CDH12: variants seen among roughly 807,000 people sequenced by gnomAD.
The protein encoded by CDH12 is cadherin 12, also known as cadherin-12.
Under a neutral mutation model 74.1 loss-of-function variants are expected in CDH12, and 41 were observed. The ratio of observed to expected loss-of-function variants is 0.55; its 90% CI spans 0.43 to 0.72. CDH12 has a LOEUF of 0.72. Ranked by LOEUF, CDH12 falls within the 30% of genes least tolerant of loss-of-function variation. The pLI is 0.00. For missense variants in CDH12, 945 were observed against 977.2 expected (o/e 0.97, Z 0.44); for synonymous variants, 399 against 355.0 (o/e 1.12, Z -1.39).
At chr5:22,716,611 TA>T (rs34809327) in intron 1 of CDH12, among the ~76,000 whole-genome samples, 118,282 of 144,202 alleles carry the variant, frequency 0.82, 48,390 homozygotes, top group Non-Finnish European at 0.85. Context: ...CCTGAAAACT[TA>T]AAAAAAAAAA....
At chr5:22,360,906 A>C (rs1236803030) in intron 3 of CDH12, among the ~76,000 whole-genome samples, 1 of 152,226 alleles carries the variant, frequency 6.6e-6, no homozygotes, top group East Asian at 1.9e-4. Context: ...ACTCTCAGTA[A>C]ATTAGGCATT....
At chr5:22,083,329 T>A (rs1410571697) in intron 4 of CDH12, among the ~76,000 whole-genome samples, 3 of 152,198 alleles carry the variant, frequency 2.0e-5, no homozygotes, top group Non-Finnish European at 4.4e-5. Context: ...TTAACTCATG[T>A]TAATAACAGT....
At chr5:22,638,483 G>A (rs268990) in intron 1 of CDH12, among the ~76,000 whole-genome samples, 51,655 of 151,858 alleles carry the variant, frequency 0.34, 9,217 homozygotes, top group African/African-American at 0.44. Flanking sequence ...AAGTTCCCCC[G>A]CCTGCTTTCA....
intron 6 of CDH12, among the ~76,000 whole-genome samples, chr5:21,954,163 T>C (rs2150103828): frequency 6.6e-6 from 1 of 152,284 alleles, no homozygotes; most frequent in Non-Finnish European, 1.5e-5. Context: ...ACTATTTTCA[T>C]TGCTATAATT....
chr5:22,273,306 C>T (rs4701577), intron 3 of CDH12, among the ~76,000 whole-genome samples: 64,406 of 151,978 alleles, frequency 0.42, 14,603 homozygotes, highest in Admixed American at 0.53. Context: ...CAGAGATATA[C>T]AATGAGCCCA....
chr5:22,400,766 T>C (rs1014798393), intron 3 of CDH12, among the ~76,000 whole-genome samples: 3 of 152,024 alleles, frequency 2.0e-5, no homozygotes, highest in Non-Finnish European at 4.4e-5. Context: ...GGGAAGCGAG[T>C]GGAGGTGCAT....
chr5:21,855,907 G>A (rs554479353), intron 6 of CDH12, among the ~76,000 whole-genome samples: 1 of 151,610 alleles, frequency 6.6e-6, no homozygotes, highest in East Asian at 2.0e-4. Context: ...AAAATGTTAG[G>A]GTTGTGACAA....
At chr5:21,985,702 GGTA>G (rs1371913049) in intron 5 of CDH12, among the ~76,000 whole-genome samples, 1 of 152,024 alleles carries the variant, frequency 6.6e-6, no homozygotes, top group Non-Finnish European at 1.5e-5. Context: ...GATTCTTCCT[GGTA>G]AACTTATAAA....
intron 1 of CDH12, among the ~76,000 whole-genome samples, chr5:22,635,871 G>A (rs1580838127): frequency 6.6e-6 from 1 of 151,814 alleles, no homozygotes; most frequent in Non-Finnish European, 1.5e-5. Flanking sequence ...AGGAGATTGT[G>A]CCCACTGCTC....
In CDH12 at chr5:21,802,338, G is replaced by A. The variant is rs766869658; in HGVS notation, c.1085C>T (p.Ala362Val). The A allele has an allele frequency of 3.7e-6, 6 of 1,613,810 alleles. No individual in the cohort carries two copies. Among genetic ancestry groups the A allele is most frequent in the African/African-American group, 1.3e-5 (1 of 74,954 alleles). Residue 362 changes from alanine (A) to valine (V), a missense_variant, in exon 10 of 15, where the codon GCG becomes GTG. Around this residue, in one of 3 missense-constraint regions of CDH12, gnomAD observed 791 missense variants for 792.8 expected, o/e 1.00. Coordinates refer to ENST00000382254, the MANE Select transcript of CDH12 (RefSeq NM_004061.5). The stretch of plus-strand genomic sequence containing the variant: ...CGTAGCTGTGTCTTTGAAAGGGCCC[G>A]CCGAGTGAAACCGGTGGTCAAGGTG... The part of the protein sequence containing the change: ...NLHLDHRFHS[A>V]GPFKDTATVK...
intron 1 of CDH12, among the ~76,000 whole-genome samples, chr5:22,593,387 A>T (rs540888847): frequency 4.6e-5 from 7 of 152,312 alleles, no homozygotes; most frequent in African/African-American, 1.7e-4. Context: ...ACTATCACTG[A>T]TTAGCTACCC....
intron 2 of CDH12, among the ~76,000 whole-genome samples, chr5:22,476,196 A>T (rs1268513403): frequency 6.6e-6 from 1 of 152,092 alleles, no homozygotes; most frequent in East Asian, 1.9e-4. Context: ...ATTAACGTTG[A>T]TATTAATTTC....
intron 12 of CDH12, 48 bp downstream of exon 12, chr5:21,764,930 G>T (rs1372233509): frequency 6.3e-7 from 1 of 1,588,650 alleles, no homozygotes; most frequent in Non-Finnish European, 8.6e-7. Flanking sequence ...CTTAAAACAT[G>T]CATATGGTGG....
At chr5:22,259,187 A>G (rs761552762) in intron 3 of CDH12, among the ~76,000 whole-genome samples, 1 of 152,148 alleles carries the variant, frequency 6.6e-6, no homozygotes, top group Non-Finnish European at 1.5e-5. Context: ...AGCAAATGTC[A>G]TTCACCCAGA....
intron 4 of CDH12, among the ~76,000 whole-genome samples, chr5:22,123,065 A>C (rs778973940): frequency 1.3e-5 from 2 of 152,244 alleles, no homozygotes; most frequent in Non-Finnish European, 2.9e-5. Context: ...TATGTGCTAT[A>C]GAAAAAATGT....
chr5:21,937,396 G>T (rs1405988161), intron 6 of CDH12, among the ~76,000 whole-genome samples: 5 of 152,248 alleles, frequency 3.3e-5, no homozygotes, highest in East Asian at 1.9e-4. Context: ...TTTGATGAAA[G>T]AATATATTTG....
At position 21,878,862 on chromosome 5, in the gene CDH12, AAAG is replaced by A. The variant is rs1181460853; in HGVS notation, c.527-24075_527-24073del. Among the ~76,000 whole-genome samples, 14 of 151,410 alleles carry A rather than the reference AAAG, an allele frequency of 9.2e-5. No homozygotes were observed. In the East Asian group the frequency reaches 2.7e-3, roughly 29 times the overall value. On this transcript the variant is annotated intron_variant, in intron 6 of 14. Coordinates refer to ENST00000382254, the MANE Select transcript of CDH12 (RefSeq NM_004061.5). Reference sequence around the variant, plus strand: ...GAAAGAGAGGGAGAGAGAGAGAAAGAAAGAAAGAGAGAGAAAGAAAGAAAAAGA... The same window carrying A: ...GAAAGAGAGGGAGAGAGAGAGAAAGAAAAGAGAGAGAAAGAAAGAAAAAGA...
intron 6 of CDH12, among the ~76,000 whole-genome samples, chr5:21,931,284 T>C (rs2150081148): frequency 6.6e-6 from 1 of 152,064 alleles, no homozygotes; most frequent in South Asian, 2.1e-4. Flanking sequence ...GAAAAAAAAA[T>C]AGAACATTTC....
chr5:22,789,223 T>C (rs1471729889), intron 1 of CDH12, among the ~76,000 whole-genome samples: 1 of 152,098 alleles, frequency 6.6e-6, no homozygotes, highest in Non-Finnish European at 1.5e-5. Flanking sequence ...ATTTTAGTTT[T>C]AACTTGATAT....
Sources: allele counts gnomAD v4.1 joint callset (sites outside exome capture counted in the v4.1 genomes callset), GRCh38; gene constraint gnomAD v4.1.1; regional missense constraint gnomAD v4.1.1; transcripts MANE v1.5; gene names NCBI Gene and HGNC (gene_info 2026-07-23, HGNC 2026-07-21).